SRGAP2: variants seen among roughly 807,000 people sequenced by gnomAD.
The protein encoded by SRGAP2 is SLIT-ROBO Rho GTPase-activating protein 2.
A neutral mutation model predicts 57.2 loss-of-function variants in SRGAP2; 15 were observed. The observed-to-expected ratio is 0.26, with a 90% confidence interval of 0.18 to 0.40. The LOEUF (loss-of-function observed/expected upper bound fraction) is 0.40. SRGAP2 is among the 10% of genes least tolerant of loss of function. SRGAP2 has a pLI of 1.00. For synonymous variants in SRGAP2, 249 were observed against 248.0 expected (o/e 1.00, Z -0.04); for missense variants, 520 against 669.6 (o/e 0.78, Z 2.47).
chr1:206,421,431 A>G (rs1436563511), intron 13 of SRGAP2, among the ~76,000 whole-genome samples, 157 bp downstream of exon 13: 7 of 152,218 alleles, frequency 4.6e-5, no homozygotes, highest in Non-Finnish European at 7.3e-5. Flanking sequence ...TATGGTGGCA[A>G]TGTCATTGAT....
At chr1:206,417,238 G>A (rs1354492731) in intron 11 of SRGAP2, among the ~76,000 whole-genome samples, 1 of 151,104 alleles carries the variant, frequency 6.6e-6, no homozygotes, top group Non-Finnish European at 1.5e-5. Flanking sequence ...CCAGTAACTG[G>A]GATTACAGGC....
intron 2 of SRGAP2, chr1:206,206,278 A>G: frequency 2.1e-6 from 1 of 479,304 alleles, no homozygotes. Flanking sequence ...GCTGACCATG[A>G]TTTTGGCAGC....
chr1:206,372,992 T>C (rs1407792203), intron 4 of SRGAP2, among the ~76,000 whole-genome samples: 4 of 112,890 alleles, frequency 3.5e-5, no homozygotes, highest in African/African-American at 1.4e-4. Context: ...TTTCTTTCTT[T>C]CTTTCTTTCT....
intron 3 of SRGAP2, among the ~76,000 whole-genome samples, chr1:206,326,632 G>T (rs1352196358): frequency 6.6e-6 from 1 of 152,250 alleles, no homozygotes; most frequent in Non-Finnish European, 1.5e-5. Flanking sequence ...CTGTCTGTGT[G>T]ACCTCAGGCT....
At chr1:206,234,515 T>C (rs1667813226) in intron 2 of SRGAP2, among the ~76,000 whole-genome samples, 1 of 152,200 alleles carries the variant, frequency 6.6e-6, no homozygotes, top group Non-Finnish European at 1.5e-5. Flanking sequence ...TGCCATCTTC[T>C]TTCCCCTACA....
intron 4 of SRGAP2, among the ~76,000 whole-genome samples, chr1:206,378,206 A>T (rs1244420018): frequency 2.0e-5 from 3 of 151,216 alleles, no homozygotes; most frequent in African/African-American, 7.3e-5. Flanking sequence ...TTTTTTTAAA[A>T]ATTAGCCAAG....
At chr1:206,359,145 G>A (rs1553340095) in intron 4 of SRGAP2, among the ~76,000 whole-genome samples, 1 of 146,580 alleles carries the variant, frequency 6.8e-6, no homozygotes, top group Non-Finnish European at 1.5e-5. Flanking sequence ...CTGATTCCAA[G>A]TTCCTTTCCT....
At chr1:206,457,612 C>A (rs1464397773) in intron 21 of SRGAP2, among the ~76,000 whole-genome samples, 1 of 152,314 alleles carries the variant, frequency 6.6e-6, no homozygotes, top group Non-Finnish European at 1.5e-5. Context: ...GACAGACTCA[C>A]GGAGTGACTG....
intron 2 of SRGAP2, among the ~76,000 whole-genome samples, chr1:206,229,929 CAT>C (rs1229776708): frequency 1.3e-4 from 16 of 123,364 alleles, no homozygotes; most frequent in Admixed American, 3.2e-4. Flanking sequence ...TGTACACATA[CAT>C]ACACACACAC....
intron 15 of SRGAP2, chr1:206,437,581 G>A (rs898020579): frequency 4.5e-5 from 9 of 200,514 alleles, no homozygotes; most frequent in Non-Finnish European, 6.1e-5. Flanking sequence ...GCCAGGAGAC[G>A]TGAGAGCCAG....
chr1:206,456,361 C>G (rs1663831804), intron 21 of SRGAP2, among the ~76,000 whole-genome samples: 1 of 152,156 alleles, frequency 6.6e-6, no homozygotes. Context: ...CAGCACACTG[C>G]CCTGCTGGGA....
In SRGAP2 at chr1:206,220,491, G is replaced by A. The variant is rs1157693806; in HGVS notation, c.67+14454G>A. On this transcript the variant is annotated intron_variant, in intron 2 of 22. Coordinates refer to ENST00000573034, the MANE Select transcript of SRGAP2 (RefSeq NM_015326.5). ...GTCAGATCTCTGAGAGATCTTGACAGAGTATTTAAATACATTCTGCCCTCG... is the reference window on the plus strand; with the variant it reads ...GTCAGATCTCTGAGAGATCTTGACAAAGTATTTAAATACATTCTGCCCTCG... Among the ~76,000 whole-genome samples the A allele has an allele frequency of 2.0e-5, 3 of 152,126 alleles. No individual in the cohort carries two copies. The East Asian group carries it at 5.8e-4, about 29-fold the overall frequency.
intron 3 of SRGAP2, among the ~76,000 whole-genome samples, chr1:206,321,818 C>T (rs1571851667): frequency 1.3e-5 from 2 of 152,258 alleles, no homozygotes; most frequent in South Asian, 4.2e-4. Context: ...TTGAGCACTT[C>T]CTTACTTTAT....
chr1:206,258,165 G>A (rs1357894221), intron 2 of SRGAP2, among the ~76,000 whole-genome samples: 1 of 150,794 alleles, frequency 6.6e-6, no homozygotes, highest in African/African-American at 2.4e-5. Context: ...TAAATCAGGG[G>A]TCAGCAAACT....
Position 206,297,379 on chromosome 1 carries a change from T to C in SRGAP2, c.68-5902T>C, listed in dbSNP as rs1571786258. 4.5e-5 allele frequency among the ~76,000 whole-genome samples: 2 copies of C among 44,860 alleles called. 1 individual carries two copies. The highest frequency in any genetic ancestry group is 4.4e-4 in the African/African-American group (2 of 4,536). 29.4% of individuals were successfully genotyped at this position (44,860 alleles called of 152,430 possible). A position where few individuals can be genotyped will look rare whatever the true frequency, so the allele number is the denominator to read the frequency against. On this transcript the variant is annotated intron_variant, in intron 2 of 22. Coordinates refer to ENST00000573034, the MANE Select transcript of SRGAP2 (RefSeq NM_015326.5). ...GGCTGATTACTGTTGTGATAAGAAG[T>C]CTTGGTAAGAGATATGGAGGGTAGC... is the stretch of plus-strand genomic sequence containing the variant.
At chr1:206,277,058 G>A (rs1670456393) in intron 2 of SRGAP2, among the ~76,000 whole-genome samples, 1 of 151,772 alleles carries the variant, frequency 6.6e-6, no homozygotes, top group South Asian at 2.1e-4. Flanking sequence ...TCTCCCTCCT[G>A]GGTTCAAGAG....
At chr1:206,381,091 A>T (rs1359626313) in intron 4 of SRGAP2, among the ~76,000 whole-genome samples, 7 of 152,218 alleles carry the variant, frequency 4.6e-5, no homozygotes, top group African/African-American at 7.2e-5. Context: ...AGATCACTTC[A>T]GCAGCCTGTT....
intron 2 of SRGAP2, among the ~76,000 whole-genome samples, chr1:206,260,672 A>G (rs1286368442): frequency 1.3e-5 from 2 of 152,212 alleles, no homozygotes; most frequent in South Asian, 2.1e-4. Context: ...TCTCATTCGT[A>G]TATCAGAGCT....
rs782259716 is a variant in SRGAP2 at position 206,461,496 on chromosome 1, C to T, written c.*76C>T. The T allele has an allele frequency of 1.7e-5, 11 of 659,268 alleles. No individual in the cohort carries two copies. Among genetic ancestry groups the T allele is most frequent in the Non-Finnish European group, 3.1e-5 (11 of 359,378 alleles). 40.8% of individuals were successfully genotyped at this position (659,268 alleles called of 1,614,324 possible). A position where few individuals can be genotyped will look rare whatever the true frequency, so the allele number is the denominator to read the frequency against. On this transcript the variant is annotated 3_prime_UTR_variant, in exon 23 of 23. Coordinates refer to ENST00000573034, the MANE Select transcript of SRGAP2 (RefSeq NM_015326.5). ...TATTAAAATCTTCCTATTTAACTAG[C>T]TTGGGGACTTCAGTTGAAAATTAGG...
Sources: allele counts gnomAD v4.1 joint callset (sites outside exome capture counted in the v4.1 genomes callset), GRCh38; gene constraint gnomAD v4.1.1; transcripts MANE v1.5; gene names NCBI Gene and HGNC (gene_info 2026-07-23, HGNC 2026-07-21).